The following GLIS3 variants were observed in gnomAD, a reference collection of about 807,000 sequenced individuals.
The protein encoded by GLIS3 is GLIS family zinc finger 3.
In GLIS3, 53 loss-of-function variants were observed where a neutral mutation model predicts 78.6. That is an observed-to-expected ratio of 0.67 (90% confidence interval 0.54 to 0.85). The LOEUF (loss-of-function observed/expected upper bound fraction) is 0.85. GLIS3 is among the 40% of genes least tolerant of loss of function. The probability of loss-of-function intolerance (pLI) is 0.00; values close to 1 mark genes in which losing one functional copy is unlikely to be tolerated. For synonymous variants in GLIS3, 684 were observed against 509.9 expected, an observed-to-expected ratio of 1.34 and a Z score of -4.60; for missense variants, 1,703 against 1,231.1, an observed-to-expected ratio of 1.38 and a Z score of -5.74.
intron 4 of GLIS3, among the ~76,000 whole-genome samples, chr9:4,076,486 A>C (rs1828064874): frequency 6.6e-6 from 1 of 152,222 alleles, no homozygotes; most frequent in African/African-American, 2.4e-5. Context: ...TTCTTACAAA[A>C]GGAAAATGTA....
At chr9:4,051,370 C>G (rs1825736664) in intron 4 of GLIS3, among the ~76,000 whole-genome samples, 1 of 152,180 alleles carries the variant, frequency 6.6e-6, no homozygotes, top group Admixed American at 6.5e-5. Flanking sequence ...CTATCGGGAA[C>G]ATTCTGGACT....
chr9:4,382,733 T>C, the GLIS3 span, among the ~76,000 whole-genome samples: 1 of 152,204 alleles, frequency 6.6e-6, no homozygotes, highest in African/African-American at 2.4e-5. Context: ...TCTATATATA[T>C]TTTAATACCT....
chr9:4,194,431 T>A (rs762871793), intron 2 of GLIS3, among the ~76,000 whole-genome samples: 1 of 152,198 alleles, frequency 6.6e-6, no homozygotes. Flanking sequence ...GTAACAAATA[T>A]AAACTTCATA....
intron 4 of GLIS3, among the ~76,000 whole-genome samples, chr9:4,028,462 T>C (rs1031143666): frequency 1.3e-5 from 2 of 152,194 alleles, no homozygotes; most frequent in African/African-American, 4.8e-5. Flanking sequence ...GAGAAGGAAA[T>C]AGGGCTTTTC....
In GLIS3 at chr9:4,075,411, CA is replaced by C. The variant is rs59194808; in HGVS notation, c.1710+42356del. Reference sequence around the variant, plus strand: ...GTGAAACCCGTCTCTACTAAAAATACAAAAAAAAAAAAAAATTAGCTGGGCA... The same window carrying C: ...GTGAAACCCGTCTCTACTAAAAATACAAAAAAAAAAAAAATTAGCTGGGCA... On this transcript the variant is annotated intron_variant, in intron 4 of 10. Coordinates refer to ENST00000381971, the MANE Select transcript of GLIS3 (RefSeq NM_001042413.2). Among the ~76,000 whole-genome samples the C allele has an allele frequency of 2.0e-3, 231 of 118,040 alleles. 2 individuals are homozygous for C. Among genetic ancestry groups the C allele is most frequent in the Middle Eastern group, 4.4e-3 (1 of 226 alleles). The allele number at this position is 118,040 out of a possible 152,430, so 77.4% of individuals were successfully genotyped here.
chr9:3,973,112 T>C (rs1050060699), intron 4 of GLIS3, among the ~76,000 whole-genome samples: 1 of 152,072 alleles, frequency 6.6e-6, no homozygotes, highest in African/African-American at 2.4e-5. Flanking sequence ...AAAATACATA[T>C]TAAGATCAAC....
At chr9:4,322,418 G>A (rs192223338) in intron 2 of GLIS3, among the ~76,000 whole-genome samples, 71 of 152,282 alleles carry the variant, frequency 4.7e-4, no homozygotes, top group African/African-American at 1.7e-3. Context: ...ATTACTCAAA[G>A]TAATGGGATT....
the GLIS3 span, among the ~76,000 whole-genome samples, chr9:4,381,112 A>T: frequency 1.3e-5 from 2 of 152,204 alleles, no homozygotes; most frequent in Non-Finnish European, 2.9e-5. Flanking sequence ...AAGGAGAGGA[A>T]GAACCAAGTA....
intron 4 of GLIS3, among the ~76,000 whole-genome samples, chr9:4,056,213 C>T (rs989590908): frequency 1.3e-5 from 2 of 152,222 alleles, no homozygotes; most frequent in African/African-American, 4.8e-5. Context: ...TCTAATTTAT[C>T]TCTAAAAGCC....
intron 2 of GLIS3, among the ~76,000 whole-genome samples, chr9:4,155,788 T>C (rs1231764719): frequency 1.3e-5 from 2 of 152,092 alleles, no homozygotes; most frequent in Non-Finnish European, 2.9e-5. Flanking sequence ...GAGTTTCTGA[T>C]TCAATGGGTG....
intron 1 of GLIS3, among the ~76,000 whole-genome samples, chr9:4,298,720 G>T (rs1461417628): frequency 1.3e-5 from 2 of 152,156 alleles, no homozygotes; most frequent in Admixed American, 1.3e-4. Flanking sequence ...GGCGGGGAGG[G>T]TTCGTGTCTG....
At chr9:4,358,467 G>C in the GLIS3 span, among the ~76,000 whole-genome samples, 6 of 152,194 alleles carry the variant, frequency 3.9e-5, no homozygotes, top group Non-Finnish European at 5.9e-5. Context: ...TTTGCTGGTA[G>C]TATAATTGGT....
In GLIS3 at chr9:4,321,227, T is replaced by C. The variant is rs545606988; in HGVS notation, n.265-10699A>G. 3.4e-4 allele frequency among the ~76,000 whole-genome samples: 49 copies of C among 144,342 alleles called. 1 individual carries two copies. Among genetic ancestry groups the C allele is most frequent in the Admixed American group, 2.0e-3 (29 of 14,636 alleles). The allele number at this position is 144,342 out of a possible 152,430, so 94.7% of individuals were successfully genotyped here. On this transcript the variant is annotated intron_variant and non_coding_transcript_variant, in intron 2 of 4. Transcript: ENST00000471664. ...CAAGGTCAGGAGATCGAGACCATCC[T>C]GGCTAACACGGTGAAACCCCGTCTC...
intron 4 of GLIS3, among the ~76,000 whole-genome samples, chr9:4,024,617 A>G (rs910421245): frequency 6.6e-6 from 1 of 152,192 alleles, no homozygotes; most frequent in African/African-American, 2.4e-5. Flanking sequence ...GTTGCCTCGC[A>G]TAACATAGGG....
At chr9:4,468,064 T>C in the GLIS3 span, among the ~76,000 whole-genome samples, 2 of 151,876 alleles carry the variant, frequency 1.3e-5, no homozygotes, top group Non-Finnish European at 2.9e-5. Context: ...ATTAATGAAA[T>C]GAAGTGAGAA....
At chr9:3,985,361 T>A (rs936214109) in intron 4 of GLIS3, among the ~76,000 whole-genome samples, 1 of 152,298 alleles carries the variant, frequency 6.6e-6, no homozygotes, top group African/African-American at 2.4e-5. Context: ...TTGCCCAGGC[T>A]GGTCTCAAAC....
chr9:4,228,591 G>A (rs886962138), intron 2 of GLIS3, among the ~76,000 whole-genome samples: 3 of 152,220 alleles, frequency 2.0e-5, no homozygotes, highest in Admixed American at 6.5e-5. Flanking sequence ...GGGAAGAGCT[G>A]TAGCATCGCA....
Position 4,039,625 on chromosome 9 carries a change from AC to A in GLIS3, c.1710+78142del, listed in dbSNP as rs767086233. ...AGAGAAGTGACTCGTCCAAGGAAAC[AC>A]CACTATTTAGTGCCAAAGCCTGACC... On this transcript the variant is annotated intron_variant, in intron 4 of 10. Coordinates refer to ENST00000381971, the MANE Select transcript of GLIS3 (RefSeq NM_001042413.2). Among the ~76,000 whole-genome samples the A allele has an allele frequency of 4.1e-4, 62 of 152,184 alleles. 1 individual carries two copies. Among genetic ancestry groups the A allele is most frequent in the Non-Finnish European group, 1.0e-4 (7 of 68,018 alleles).
At chr9:4,321,462 A>AAAAAAAAAAAAAC (rs1183384954) in intron 2 of GLIS3, among the ~76,000 whole-genome samples, 1 of 138,776 alleles carries the variant, frequency 7.2e-6, no homozygotes, top group Non-Finnish European at 1.6e-5. Flanking sequence ...AAAAAAAAAA[A>AAAAAAAAAAAAAC]ATCAGGTGCC....
Sources: gnomAD v4.1 joint callset for allele counts (sites outside exome capture counted in the v4.1 genomes callset) on GRCh38, gnomAD v4.1.1 for gene constraint, MANE v1.5 for transcripts, NCBI Gene and HGNC (gene_info 2026-07-23, HGNC 2026-07-21) for gene names.